DCDC1: variants seen among roughly 807,000 people sequenced by gnomAD.
DCDC1 encodes doublecortin domain containing 1, also known as doublecortin domain-containing protein 1.
Under a neutral mutation model 178.3 loss-of-function variants are expected in DCDC1, and 200 were observed. That is an observed-to-expected ratio of 1.12 (90% confidence interval 1.00 to 1.26). The LOEUF is 1.26. Ranked by LOEUF, DCDC1 falls within the 50% of genes most tolerant of loss-of-function variation. The pLI is 0.00. For synonymous variants in DCDC1, 690 were observed against 604.8 expected (o/e 1.14, Z -2.07); for missense variants, 1,983 against 1,749.2 (o/e 1.13, Z -2.38).
chr11:31,121,458 T>C (rs1393522776), intron 11 of DCDC1, among the ~76,000 whole-genome samples: 1 of 148,012 alleles, frequency 6.8e-6, no homozygotes, highest in African/African-American at 2.5e-5. Flanking sequence ...CACTGTATTA[T>C]GTCACATGAT....
chr11:30,915,751 C>G, intron 26 of DCDC1, 40 bp from the exon 27 acceptor site: 1 of 1,574,080 alleles, frequency 6.4e-7, no homozygotes, highest in Non-Finnish European at 8.6e-7. Context: ...GAAAAATGTC[C>G]CATGCACTTG....
At chr11:30,990,270 C>G (rs1476314226) in intron 20 of DCDC1, among the ~76,000 whole-genome samples, 1 of 152,102 alleles carries the variant, frequency 6.6e-6, no homozygotes, top group Non-Finnish European at 1.5e-5. Flanking sequence ...CTTCTTATTC[C>G]TGTAAGATCT....
At chr11:31,150,585 TATC>T (rs1965062487) in intron 9 of DCDC1, among the ~76,000 whole-genome samples, 1 of 152,204 alleles carries the variant, frequency 6.6e-6, no homozygotes, top group Non-Finnish European at 1.5e-5. Flanking sequence ...TCTATCTATC[TATC>T]TATCTTTCTA....
rs1948548075 is a variant in DCDC1, at chr11:31,307,722, G to C, written c.351C>G (p.Tyr117Ter). ...SHDEISDLDS[Y>*]KSNSKNNSCS... is the part of the protein sequence containing the mutation. ...AAGAATTGTTTTTACTGTTTGATTTGTAGCTATCTAGGTCTGATATTTCAT... is the reference window on the plus strand; with the variant it reads ...AAGAATTGTTTTTACTGTTTGATTTCTAGCTATCTAGGTCTGATATTTCAT... The change falls in exon 4 of 39, where the codon TAC (tyrosine) becomes TAG (stop). Residue 117 changes from tyrosine to a stop codon, truncating the protein, a stop_gained. Transcript: ENST00000684477. LOFTEE classifies it high-confidence loss of function. 1 of 1,614,074 alleles carries C rather than the reference G, an allele frequency of 6.2e-7. No individual in the cohort carries two copies. Among genetic ancestry groups the C allele is most frequent in the South Asian group, 1.1e-5 (1 of 91,078 alleles).
intron 1 of DCDC1, among the ~76,000 whole-genome samples, chr11:31,342,960 C>G (rs576973528): frequency 5.2e-4 from 79 of 151,466 alleles, no homozygotes; most frequent in Admixed American, 1.2e-3. Context: ...TTGTTTTTTT[C>G]CCATAAAGTA....
At chr11:31,305,446 A>T (rs1435653313) in intron 6 of DCDC1, among the ~76,000 whole-genome samples, 169 bp downstream of exon 6, 1 of 152,212 alleles carries the variant, frequency 6.6e-6, no homozygotes. Context: ...CGTGGCTGTC[A>T]GTGGATTTTT....
intron 15 of DCDC1, among the ~76,000 whole-genome samples, chr11:31,095,407 T>C (rs1357580309): frequency 6.6e-6 from 1 of 152,148 alleles, no homozygotes; most frequent in East Asian, 1.9e-4. Context: ...CCACCAACAG[T>C]GTAAAAGTGT....
intron 9 of DCDC1, among the ~76,000 whole-genome samples, chr11:31,184,315 G>A (rs1969207357): frequency 6.6e-6 from 1 of 152,162 alleles, no homozygotes; most frequent in East Asian, 1.9e-4. Context: ...TTAAACGTAA[G>A]ACCTAACACC....
intron 7 of DCDC1, among the ~76,000 whole-genome samples, chr11:31,268,383 G>C (rs140609172): frequency 6.6e-6 from 1 of 151,998 alleles, no homozygotes; most frequent in Non-Finnish European, 1.5e-5. Flanking sequence ...CTTCCCTCCC[G>C]CTGTAGGAGT....
At chr11:31,366,237 T>C (rs975201651) in intron 1 of DCDC1, among the ~76,000 whole-genome samples, 4 of 152,218 alleles carry the variant, frequency 2.6e-5, no homozygotes, top group South Asian at 2.1e-4. Flanking sequence ...GATACTAACA[T>C]AGTTTATATT....
At chr11:31,193,177 T>C (rs1420549535) in intron 9 of DCDC1, among the ~76,000 whole-genome samples, 1 of 152,074 alleles carries the variant, frequency 6.6e-6, no homozygotes, top group East Asian at 1.9e-4. Flanking sequence ...TGGCATATCA[T>C]GAGACTTCTT....
At chr11:30,903,296 T>A (rs1484793743) in intron 32 of DCDC1, among the ~76,000 whole-genome samples, 186 bp downstream of exon 32, 1 of 152,226 alleles carries the variant, frequency 6.6e-6, no homozygotes, top group Non-Finnish European at 1.5e-5. Flanking sequence ...CATTAATTTT[T>A]AACTTTTCTT....
chr11:31,003,341 G>A (rs921874051), intron 20 of DCDC1, among the ~76,000 whole-genome samples: 1 of 152,044 alleles, frequency 6.6e-6, no homozygotes, highest in Non-Finnish European at 1.5e-5. Context: ...AATAAGAGCA[G>A]ATGCAATACT....
At chr11:31,176,644 T>C (rs1250169083) in intron 9 of DCDC1, among the ~76,000 whole-genome samples, 5 of 152,000 alleles carry the variant, frequency 3.3e-5, no homozygotes, top group Non-Finnish European at 7.4e-5. Flanking sequence ...ATTCTAAAAG[T>C]GACAAAAGAA....
Position 30,916,991 on chromosome 11 carries a change from A to C in DCDC1, c.3331T>G (p.Cys1111Gly). ...CAGGCATACCTGGGAAGTGTGTGAC[A>C]AGCCTTCATTCGAAGATGAGCTCTT... ...HVRAHLRMKA[C>G]HTLPRYAWQE... The change falls in exon 26 of 39, where the codon TGT becomes GGT. Residue 1111 changes from cysteine (C) to glycine (G), a missense_variant. Coordinates refer to ENST00000684477, the MANE Select transcript of DCDC1 (RefSeq NM_001387274.1). The C allele has an allele frequency of 6.2e-7, 1 of 1,609,698 alleles. No individual in the cohort carries two copies. Among genetic ancestry groups the C allele is most frequent in the Non-Finnish European group, 8.5e-7 (1 of 1,178,032 alleles).
At chr11:31,208,690 C>G (rs1179099951) in intron 9 of DCDC1, among the ~76,000 whole-genome samples, 1 of 152,166 alleles carries the variant, frequency 6.6e-6, no homozygotes, top group Non-Finnish European at 1.5e-5. Flanking sequence ...TCATCATACT[C>G]CAGTCCAACA....
Position 31,094,186 on chromosome 11 carries a change from T to G in DCDC1, c.1984-2A>C. On this transcript the variant is annotated splice_acceptor_variant, in intron 15 of 38. Transcript: ENST00000684477. LOFTEE classifies it high-confidence loss of function. ...ATGAAGGACAATATTGGGATCTACC[T>G]GTATCATAAGAAGAAGTATGCATTT... 1 of 766,084 alleles carries G rather than the reference T, an allele frequency of 1.3e-6. No homozygotes were observed. The highest frequency in any genetic ancestry group is 2.4e-6 in the Non-Finnish European group (1 of 417,710). The allele number at this position is 766,084 out of a possible 1,614,324, so 47.5% of individuals were successfully genotyped here. A position where few individuals can be genotyped will look rare whatever the true frequency, so the allele number is the denominator to read the frequency against.
chr11:31,106,551 C>T (rs1958861761), intron 13 of DCDC1, among the ~76,000 whole-genome samples: 1 of 152,178 alleles, frequency 6.6e-6, no homozygotes, highest in Non-Finnish European at 1.5e-5. Flanking sequence ...TCTTGCTGTG[C>T]TGACAGGCAG....
intron 30 of DCDC1, 165 bp downstream of exon 30, chr11:30,906,375 A>G: frequency 1.4e-6 from 1 of 699,806 alleles, no homozygotes; most frequent in East Asian, 2.7e-5. Flanking sequence ...ATTTTAAATT[A>G]CAATGGGGAA....
Sources: gnomAD v4.1 joint callset for allele counts (sites outside exome capture counted in the v4.1 genomes callset) on GRCh38, gnomAD v4.1.1 for gene constraint, MANE v1.5 for transcripts, NCBI Gene and HGNC (gene_info 2026-07-23, HGNC 2026-07-21) for gene names.